The following CSMD1 variants were observed in gnomAD, a reference collection of about 807,000 sequenced individuals.
CSMD1 encodes CUB and Sushi multiple domains 1.
CSMD1 carries 213 observed loss-of-function variants against 417.5 expected under a neutral mutation model. The observed-to-expected ratio is 0.51, with a 90% CI of 0.46 to 0.57. The LOEUF (loss-of-function observed/expected upper bound fraction) is 0.57. Ranked by LOEUF, CSMD1 falls within the 20% of genes least tolerant of loss-of-function variation. The probability of loss-of-function intolerance (pLI) is 0.00; values close to 1 mark genes in which losing one functional copy is unlikely to be tolerated. For synonymous variants in CSMD1, 2,862 were observed against 1,736.8 expected (o/e 1.65, Z -16.11); for missense variants, 6,923 against 4,529.7 (o/e 1.53, Z -15.17).
intron 1 of CSMD1, among the ~76,000 whole-genome samples, chr8:4,857,873 C>G (rs1386534857): frequency 2.0e-5 from 3 of 151,656 alleles, no homozygotes; most frequent in Admixed American, 6.6e-5. Flanking sequence ...GAAACTATTC[C>G]AATCAATAGA....
intron 2 of CSMD1, among the ~76,000 whole-genome samples, chr8:4,427,992 G>A (rs1384623453): frequency 2.0e-5 from 3 of 152,156 alleles, no homozygotes. Context: ...CATTGGCCCA[G>A]TAGTAAAGAT....
chr8:4,325,566 C>G (rs1259578850), intron 3 of CSMD1, among the ~76,000 whole-genome samples: 1 of 152,160 alleles, frequency 6.6e-6, no homozygotes, highest in East Asian at 1.9e-4. Flanking sequence ...ACCTTGTTAG[C>G]TTTTCCGGTG....
intron 49 of CSMD1, among the ~76,000 whole-genome samples, chr8:3,056,863 G>A (rs886215581): frequency 3.3e-5 from 5 of 151,694 alleles, no homozygotes; most frequent in African/African-American, 1.2e-4. Flanking sequence ...ATAAATATAT[G>A]TACACATATA....
intron 3 of CSMD1, among the ~76,000 whole-genome samples, chr8:4,133,772 T>A (rs979587910): frequency 6.6e-6 from 1 of 152,172 alleles, no homozygotes; most frequent in African/African-American, 2.4e-5. Context: ...ATAATCTGAT[T>A]TAAATATATC....
intron 3 of CSMD1, among the ~76,000 whole-genome samples, chr8:4,132,171 T>C (rs913393076): frequency 6.6e-6 from 1 of 150,946 alleles, no homozygotes; most frequent in African/African-American, 2.4e-5. Flanking sequence ...TGTTTGTTTA[T>C]GCGGGTAAAA....
chr8:4,675,497 C>G (rs913652737), intron 1 of CSMD1, among the ~76,000 whole-genome samples: 2 of 152,052 alleles, frequency 1.3e-5, no homozygotes, highest in African/African-American at 4.8e-5. Context: ...AGTCATAAAT[C>G]AAACCAGAAT....
At chr8:4,055,363 T>C (rs1031429005) in intron 3 of CSMD1, among the ~76,000 whole-genome samples, 6 of 152,120 alleles carry the variant, frequency 3.9e-5, no homozygotes, top group African/African-American at 7.2e-5. Context: ...TTATAATTAT[T>C]GTAAATTTCA....
chr8:3,053,455 C>G (rs73657552), intron 49 of CSMD1, among the ~76,000 whole-genome samples: 22 of 152,172 alleles, frequency 1.4e-4, no homozygotes, highest in African/African-American at 5.3e-4. Flanking sequence ...CTCCCCTTCC[C>G]CAATTCATTT....
chr8:3,229,580 G>C (rs923236727), intron 27 of CSMD1, among the ~76,000 whole-genome samples: 2 of 152,036 alleles, frequency 1.3e-5, no homozygotes, highest in Admixed American at 1.3e-4. Flanking sequence ...AACACAAACA[G>C]TATAATTTCT....
At chr8:3,338,994 C>A (rs1240130305) in intron 23 of CSMD1, among the ~76,000 whole-genome samples, 1 of 124,788 alleles carries the variant, frequency 8.0e-6, no homozygotes, top group Non-Finnish European at 1.6e-5. Context: ...CCTCCCCCCA[C>A]CCCACAACAG....
At chr8:3,994,015 G>A (rs1473085699) in intron 5 of CSMD1, among the ~76,000 whole-genome samples, 3 of 152,212 alleles carry the variant, frequency 2.0e-5, no homozygotes, top group Non-Finnish European at 2.9e-5. Context: ...GTGCCTGGCA[G>A]GGAGGGAGCC....
At chr8:3,800,785 T>G (rs2129072373) in intron 5 of CSMD1, among the ~76,000 whole-genome samples, 1 of 152,238 alleles carries the variant, frequency 6.6e-6, no homozygotes, top group South Asian at 2.1e-4. Context: ...TCCTCATGTT[T>G]GGCTGTATTT....
At chr8:3,254,269 T>C (rs1011885173) in intron 26 of CSMD1, among the ~76,000 whole-genome samples, 3 of 152,228 alleles carry the variant, frequency 2.0e-5, no homozygotes, top group Non-Finnish European at 4.4e-5. Flanking sequence ...GGCTTCCCTT[T>C]GTGGGTAACC....
intron 3 of CSMD1, among the ~76,000 whole-genome samples, chr8:4,088,150 C>T (rs963820730): frequency 4.6e-5 from 7 of 152,214 alleles, no homozygotes; most frequent in African/African-American, 1.7e-4. Flanking sequence ...TGCCCATTCT[C>T]AGTAAAGACA....
intron 3 of CSMD1, among the ~76,000 whole-genome samples, chr8:4,210,998 A>G (rs1448892339): frequency 6.6e-6 from 1 of 152,214 alleles, no homozygotes; most frequent in Non-Finnish European, 1.5e-5. Context: ...ACAAACAGAA[A>G]GAACCACAAT....
chr8:3,983,418 C>A (rs1418156957), intron 5 of CSMD1, among the ~76,000 whole-genome samples: 1 of 151,978 alleles, frequency 6.6e-6, no homozygotes, highest in Non-Finnish European at 1.5e-5. Flanking sequence ...GCGTGAGCCA[C>A]CGCGCCCGGC....
In CSMD1 at chr8:4,249,462, G is replaced by A. The variant is rs371467767; in HGVS notation, c.415+170491C>T. On this transcript the variant is annotated intron_variant, in intron 3 of 69. Coordinates refer to ENST00000635120, the MANE Select transcript of CSMD1 (RefSeq NM_033225.6). Reference sequence around the variant, plus strand: ...ATAATCACAACCATGGAGACAGTGCGTGATGTAAACAGGGTTAAACATTTT... The same window carrying A: ...ATAATCACAACCATGGAGACAGTGCATGATGTAAACAGGGTTAAACATTTT... Among the ~76,000 whole-genome samples the A allele has an allele frequency of 6.6e-4, 101 of 152,318 alleles. 1 individual carries two copies. The highest frequency in any genetic ancestry group is 3.7e-3 in the East Asian group (19 of 5,180).
intron 51 of CSMD1, 121 bp from the exon 52 acceptor site, chr8:3,018,771 C>G (rs892012100): frequency 1.1e-6 from 1 of 884,084 alleles, no homozygotes; most frequent in Non-Finnish European, 1.7e-6. Flanking sequence ...TTAATTTTCA[C>G]TAAGAACATG....
chr8:4,348,436 A>T (rs1031429683), intron 3 of CSMD1, among the ~76,000 whole-genome samples: 2 of 152,132 alleles, frequency 1.3e-5, no homozygotes, highest in African/African-American at 4.8e-5. Context: ...AAAAATCAGA[A>T]TATTAGGCCT....
Sources: allele counts gnomAD v4.1 joint callset (sites outside exome capture counted in the v4.1 genomes callset), GRCh38; gene constraint gnomAD v4.1.1; transcripts MANE v1.5; gene names NCBI Gene and HGNC (gene_info 2026-07-23, HGNC 2026-07-21).